Variants in VNN1 observed in about 807,000 individuals in gnomAD.
VNN1 encodes the protein vanin 1, also known as pantetheinase.
VNN1 carries 29 observed loss-of-function variants against 41.9 expected under a neutral mutation model. The ratio of observed to expected loss-of-function variants is 0.69; its 90% CI spans 0.52 to 0.94. VNN1 has a LOEUF of 0.94. Among genes scored for constraint, VNN1 ranks in the 40% least tolerant of loss-of-function variants. VNN1 has a pLI of 0.00. For synonymous variants in VNN1, 233 were observed against 224.4 expected (o/e 1.04, Z -0.34); for missense variants, 637 against 621.1 (o/e 1.03, Z -0.27).
In VNN1 at chr6:132,711,715, C is replaced by A. The variant is rs147382677; in HGVS notation, c.335G>T (p.Arg112Leu). The part of the protein sequence containing the change: ...PEVNWIPCNN[R>L]NRFGQTPVQE... The stretch of plus-strand genomic sequence containing the variant: ...TCACAAGTTGTTTCTTTACCTGTTA[C>A]GATTATTACAGGGGATCCAGTTTAC... Residue 112 changes from arginine to leucine, a missense_variant, in exon 2 of 7, where the codon CGT becomes CTT. Physicochemically the swap from Arg to Leu is moderately radical, Grantham distance 102. Coordinates refer to ENST00000367928, the MANE Select transcript of VNN1 (RefSeq NM_004666.3). The A allele has an allele frequency of 2.0e-5, 32 of 1,609,452 alleles. No individual in the cohort carries two copies. The highest frequency in any genetic ancestry group is 1.7e-4 in the Middle Eastern group (1 of 6,058).
chr6:132,692,173 A>G (rs370900460), intron 5 of VNN1, 50 bp downstream of exon 5: 8 of 1,500,750 alleles, frequency 5.3e-6, no homozygotes, highest in Non-Finnish European at 7.1e-6. Flanking sequence ...TGTATATTTA[A>G]CTGAGTGTCT....
In VNN1 at chr6:132,711,929, A is replaced by G; in HGVS notation, c.211-90T>C. 7 of 1,316,118 alleles carry G rather than the reference A, an allele frequency of 5.3e-6. 1 individual carries two copies. In the South Asian group the frequency reaches 1.1e-4, roughly 20 times the overall value. 81.5% of individuals were successfully genotyped at this position (1,316,118 alleles called of 1,614,324 possible). ...AGTAACAACTATTTGGGCTTCCCCC[A>G]CACCCCTTAAATCTTATTTTGTTTT... On this transcript the variant is annotated intron_variant, in intron 1 of 6. Coordinates refer to ENST00000367928, the MANE Select transcript of VNN1 (RefSeq NM_004666.3).
chr6:132,712,640 A>G (rs1190953218), intron 1 of VNN1, among the ~76,000 whole-genome samples: 1 of 152,120 alleles, frequency 6.6e-6, no homozygotes, highest in African/African-American at 2.4e-5. Flanking sequence ...CCCTGCAAAC[A>G]TGATTCCTGC....
intron 1 of VNN1, among the ~76,000 whole-genome samples, chr6:132,712,573 T>C (rs1285600402): frequency 6.6e-6 from 1 of 152,180 alleles, no homozygotes; most frequent in Non-Finnish European, 1.5e-5. Flanking sequence ...TGTGCCTGTG[T>C]CAAGACTGAT....
chr6:132,706,102 G>A (rs777977891), intron 2 of VNN1, among the ~76,000 whole-genome samples: 1 of 151,968 alleles, frequency 6.6e-6, no homozygotes, highest in Non-Finnish European at 1.5e-5. Flanking sequence ...GCATTCTACA[G>A]ATTCAATGCA....
intron 2 of VNN1, among the ~76,000 whole-genome samples, chr6:132,707,480 G>T (rs1017842968): frequency 6.6e-6 from 1 of 152,128 alleles, no homozygotes; most frequent in Admixed American, 6.5e-5. Context: ...ATATAGAAAA[G>T]ATATCTGCAC....
chr6:132,702,539 T>C (rs1275584853), intron 2 of VNN1, among the ~76,000 whole-genome samples: 1 of 151,976 alleles, frequency 6.6e-6, no homozygotes, highest in Non-Finnish European at 1.5e-5. Flanking sequence ...CCAGCTGGAG[T>C]AGTCAAAGGA....
At chr6:132,691,229 C>G (rs1423742369) in intron 5 of VNN1, among the ~76,000 whole-genome samples, 1 of 151,560 alleles carries the variant, frequency 6.6e-6, no homozygotes, top group Admixed American at 6.7e-5. Flanking sequence ...TTAAGCCAGA[C>G]AGTATTATAA....
Position 132,711,697 on chromosome 6 carries a change from T to C in VNN1, c.341+12A>G. 3.7e-6 allele frequency: 6 copies of C among 1,604,730 alleles called. No individual in the cohort carries two copies. The highest frequency in any genetic ancestry group is 5.1e-6 in the Non-Finnish European group (6 of 1,177,260). On this transcript the variant is annotated intron_variant, in intron 2 of 6. Coordinates refer to ENST00000367928, the MANE Select transcript of VNN1 (RefSeq NM_004666.3). ...TGTTTACTAGTGAATTTTTCACAAG[T>C]TGTTTCTTTACCTGTTACGATTATT...
chr6:132,693,246 T>G lies in VNN1; in HGVS notation c.604A>C (p.Thr202Pro), dbSNP rs144618060. 1.2e-6 allele frequency: 2 copies of G among 1,613,782 alleles called. No individual in the cohort carries two copies. Among genetic ancestry groups the G allele is most frequent in the African/African-American group, 2.7e-5 (2 of 74,868 alleles). The change falls in exon 4 of 7, where the codon ACC becomes CCC. Residue 202 changes from threonine (T) to proline (P), a missense_variant. Coordinates refer to ENST00000367928, the MANE Select transcript of VNN1 (RefSeq NM_004666.3). ...GTGAAAATGCCAAAACTTCCAAAGG[T>G]GGTATTGAAAGTCACAATCTCAGGC... Reference protein sequence around the residue: ...KEPEIVTFNTTFGSFGIFTCF... With the variant: ...KEPEIVTFNTPFGSFGIFTCF...
intron 2 of VNN1, among the ~76,000 whole-genome samples, chr6:132,704,300 A>G (rs189209805): frequency 4.6e-5 from 7 of 152,282 alleles, no homozygotes; most frequent in Admixed American, 3.9e-4. Context: ...AGGAGAGACC[A>G]TATGTTAGGT....
At chr6:132,697,563 A>T (rs1448815516) in intron 2 of VNN1, among the ~76,000 whole-genome samples, 1 of 151,982 alleles carries the variant, frequency 6.6e-6, no homozygotes. Flanking sequence ...TTTATCCTCT[A>T]TTGCACAACT....
At chr6:132,695,412 T>G (rs750333871) in intron 2 of VNN1, among the ~76,000 whole-genome samples, 6 of 152,224 alleles carry the variant, frequency 3.9e-5, no homozygotes, top group Non-Finnish European at 7.3e-5. Context: ...TGTGACAGGC[T>G]GCCATGTCTG....
intron 2 of VNN1, among the ~76,000 whole-genome samples, chr6:132,706,079 C>T (rs976008293): frequency 2.0e-5 from 3 of 152,030 alleles, no homozygotes; most frequent in African/African-American, 7.2e-5. Flanking sequence ...TTAAAATGCC[C>T]ATACTATCCA....
intron 2 of VNN1, among the ~76,000 whole-genome samples, chr6:132,696,907 C>T (rs1463388380): frequency 6.6e-6 from 1 of 152,008 alleles, no homozygotes; most frequent in Admixed American, 6.6e-5. Flanking sequence ...AGATCGAGAC[C>T]ATCCTGGCTA....
intron 5 of VNN1, among the ~76,000 whole-genome samples, chr6:132,687,797 A>G (rs1778228640): frequency 1.3e-5 from 2 of 152,216 alleles, no homozygotes; most frequent in Non-Finnish European, 1.5e-5. Flanking sequence ...CTGTTGGAAG[A>G]TATGGGGTTT....
chr6:132,711,612 A>T (rs1036053276), intron 2 of VNN1, 97 bp downstream of exon 2: 3 of 1,377,204 alleles, frequency 2.2e-6, no homozygotes, highest in Non-Finnish European at 2.0e-6. Flanking sequence ...GAAACTTAAG[A>T]ATTGATCATG....
intron 5 of VNN1, among the ~76,000 whole-genome samples, chr6:132,686,234 G>A (rs547504371): frequency 2.6e-4 from 39 of 152,278 alleles, no homozygotes; most frequent in Non-Finnish European, 5.0e-4. Context: ...ATCACTTGAG[G>A]TCAGGAGTTC....
chr6:132,703,365 C>CATAGACAT (rs79307587), intron 2 of VNN1, among the ~76,000 whole-genome samples: 28,153 of 151,808 alleles, frequency 0.19, 3,229 homozygotes, highest in East Asian at 0.36. Context: ...AAGACATAGA[C>CATAGACAT]AGTATAAGAT....
Sources: gnomAD v4.1 joint callset for allele counts (sites outside exome capture counted in the v4.1 genomes callset) on GRCh38, gnomAD v4.1.1 for gene constraint, MANE v1.5 for transcripts, NCBI Gene and HGNC (gene_info 2026-07-23, HGNC 2026-07-21) for gene names.